MCTP1: variants seen among roughly 807,000 people sequenced by gnomAD.
MCTP1 encodes multiple C2 and transmembrane domain-containing protein 1.
A neutral mutation model predicts 120.6 loss-of-function variants in MCTP1; 69 were observed. The ratio of observed to expected loss-of-function variants is 0.57; its 90% CI spans 0.47 to 0.70. MCTP1 has a LOEUF of 0.70. Ranked by LOEUF, MCTP1 falls within the 30% of genes least tolerant of loss-of-function variation. The pLI is 0.00. For synonymous variants in MCTP1, 529 were observed against 493.1 expected, an observed-to-expected ratio of 1.07 and a Z score of -0.96; for missense variants, 1,203 against 1,248.8, an observed-to-expected ratio of 0.96 and a Z score of 0.55.
intron 2 of MCTP1, among the ~76,000 whole-genome samples, chr5:94,974,966 G>T (rs1272528207): frequency 6.6e-6 from 1 of 152,074 alleles, no homozygotes; most frequent in African/African-American, 2.4e-5. Context: ...GCAAGCCAAT[G>T]GTCTTCTATT....
intron 1 of MCTP1, among the ~76,000 whole-genome samples, chr5:95,197,280 C>T (rs1750501085): frequency 6.6e-6 from 1 of 152,136 alleles, no homozygotes; most frequent in South Asian, 2.1e-4. Flanking sequence ...ATTATATCTG[C>T]TAAACAAATT....
intron 18 of MCTP1, among the ~76,000 whole-genome samples, chr5:94,788,129 C>T (rs910243793): frequency 2.6e-5 from 4 of 152,172 alleles, no homozygotes; most frequent in Admixed American, 6.5e-5. Flanking sequence ...GGTAAACTGA[C>T]TTTCTCTTGT....
chr5:94,733,166 A>G (rs2152709307), intron 19 of MCTP1, among the ~76,000 whole-genome samples: 1 of 152,364 alleles, frequency 6.6e-6, no homozygotes, highest in African/African-American at 2.4e-5. Context: ...CTATTTCAAA[A>G]AAATTTTAAT....
rs548222464 is a variant in MCTP1, at chr5:94,875,290, G to A, written c.1934-2049C>T. 3.3e-5 allele frequency among the ~76,000 whole-genome samples: 5 copies of A among 152,200 alleles called. No homozygotes were observed. The South Asian group carries it at 8.3e-4, about 25-fold the overall frequency. On this transcript the variant is annotated intron_variant, in intron 12 of 22. Transcript: ENST00000515393. ...GAGTCTTGGGTGACCCAGAGGAACC[G>A]ACAGTGGAAAGACCAGAGAAGTGGC...
chr5:95,253,628 C>T (rs547391296), intron 1 of MCTP1, among the ~76,000 whole-genome samples: 1 of 152,034 alleles, frequency 6.6e-6, no homozygotes, highest in South Asian at 2.1e-4. Flanking sequence ...CCATTTATAA[C>T]TAAAGAACAC....
intron 1 of MCTP1, among the ~76,000 whole-genome samples, chr5:95,052,145 T>C (rs1346022530): frequency 6.6e-6 from 1 of 152,172 alleles, no homozygotes; most frequent in Non-Finnish European, 1.5e-5. Context: ...GGCAAGTAGG[T>C]AGTTTATTTT....
At chr5:95,124,494 G>T (rs1295208361) in intron 1 of MCTP1, among the ~76,000 whole-genome samples, 2 of 152,232 alleles carry the variant, frequency 1.3e-5, no homozygotes, top group East Asian at 3.8e-4. Flanking sequence ...TCTGTTAGAT[G>T]TTAGGTTCTG....
At chr5:95,022,281 C>T (rs1838345344) in intron 1 of MCTP1, among the ~76,000 whole-genome samples, 2 of 152,114 alleles carry the variant, frequency 1.3e-5, no homozygotes, top group South Asian at 4.1e-4. Context: ...TAAACTGAGC[C>T]TTCACTTCTC....
rs1754147756 is a variant in MCTP1, at chr5:94,704,753, A to G, written c.*2743T>C. 6.6e-6 allele frequency: 1 copy of G among 150,860 alleles called. No individual in the cohort carries two copies. The highest frequency in any genetic ancestry group is 1.5e-5 in the Non-Finnish European group (1 of 67,406). 9.3% of individuals were successfully genotyped at this position (150,860 alleles called of 1,614,324 possible). On this transcript the variant is annotated 3_prime_UTR_variant, in exon 23 of 23. Transcript: ENST00000515393. ...AGTCCTTTTAAGAATCTCCCAACTC[A>G]GATTATCCTAGTGCATATAGAATGT...
At chr5:94,752,562 T>A (rs552213844) in intron 19 of MCTP1, among the ~76,000 whole-genome samples, 2 of 152,258 alleles carry the variant, frequency 1.3e-5, no homozygotes, top group East Asian at 3.9e-4. Flanking sequence ...CAGAATCTCT[T>A]GAAGTGGGGC....
At chr5:94,818,759 C>T (rs1784996633) in intron 17 of MCTP1, among the ~76,000 whole-genome samples, 1 of 152,144 alleles carries the variant, frequency 6.6e-6, no homozygotes. Context: ...AATCTGTGTT[C>T]TGGCAAGTGT....
chr5:95,095,830 AAAG>A (rs1227841999), intron 1 of MCTP1, among the ~76,000 whole-genome samples: 1 of 152,172 alleles, frequency 6.6e-6, no homozygotes, highest in Non-Finnish European at 1.5e-5. Context: ...TAAACCCATC[AAAG>A]AAACGAACTG....
chr5:94,917,895 C>G lies in MCTP1; in HGVS notation c.1350+1G>C. ...TAAATGAACTGAATGGTTGAACTTA[C>G]TTGTACATTTTTGCAATAAGGATTC... On this transcript the variant is annotated splice_donor_variant, in intron 8 of 22. Transcript: ENST00000515393. LOFTEE classifies it high-confidence loss of function. 1 of 1,612,356 alleles carries G rather than the reference C, an allele frequency of 6.2e-7. No individual in the cohort carries two copies. The highest frequency in any genetic ancestry group is 8.5e-7 in the Non-Finnish European group (1 of 1,178,460).
chr5:94,707,694 T>C (rs1413727019), intron 22 of MCTP1, 127 bp from the exon 23 acceptor site: 4 of 685,356 alleles, frequency 5.8e-6, no homozygotes, highest in Non-Finnish European at 1.0e-5. Flanking sequence ...GTATGGGATC[T>C]GCAGCTGAGA....
At chr5:95,204,026 C>T (rs1751355321) in intron 1 of MCTP1, among the ~76,000 whole-genome samples, 1 of 152,102 alleles carries the variant, frequency 6.6e-6, no homozygotes, top group East Asian at 1.9e-4. Context: ...TTGTTAAATT[C>T]ACTGAGTTTT....
At chr5:94,828,558 G>A (rs759134287) in intron 17 of MCTP1, among the ~76,000 whole-genome samples, 2 of 152,190 alleles carry the variant, frequency 1.3e-5, no homozygotes, top group South Asian at 2.1e-4. Context: ...TCCCACAGTC[G>A]CCCCTTCCCC....
chr5:94,760,839 C>T (rs1176647505), intron 19 of MCTP1, among the ~76,000 whole-genome samples: 1 of 152,064 alleles, frequency 6.6e-6, no homozygotes, highest in Non-Finnish European at 1.5e-5. Context: ...CATGTGCCAC[C>T]ATGCCAGGCT....
intron 1 of MCTP1, among the ~76,000 whole-genome samples, chr5:95,156,329 T>C (rs964411840): frequency 6.6e-6 from 1 of 152,216 alleles, no homozygotes; most frequent in Non-Finnish European, 1.5e-5. Flanking sequence ...ATACATTTAA[T>C]GGTCAACAAA....
At position 94,704,567 on chromosome 5, in the gene MCTP1, A is replaced by AAG; in HGVS notation, c.*2928_*2929insCT. ...CTTCTGAGTTTTTCTTCACTTTTAAATGCAGAATAAAAATTTTATAAAAGA... is the reference window on the plus strand; with the variant it reads ...CTTCTGAGTTTTTCTTCACTTTTAAAAGTGCAGAATAAAAATTTTATAAAAGA... On this transcript the variant is annotated 3_prime_UTR_variant, in exon 23 of 23. Transcript: ENST00000515393. The AAG allele has an allele frequency of 6.6e-6, 1 of 151,318 alleles. No homozygotes were observed. Among genetic ancestry groups the AAG allele is most frequent in the Non-Finnish European group, 1.5e-5 (1 of 67,554 alleles). 9.4% of individuals were successfully genotyped at this position (151,318 alleles called of 1,614,324 possible).
Sources: allele counts gnomAD v4.1 joint callset (sites outside exome capture counted in the v4.1 genomes callset), GRCh38; gene constraint gnomAD v4.1.1; transcripts MANE v1.5; gene names NCBI Gene and HGNC (gene_info 2026-07-23, HGNC 2026-07-21).